The following CLASP1 variants were observed in gnomAD, a reference collection of about 807,000 sequenced individuals.
CLASP1 encodes the protein CLIP-associating protein 1.
A neutral mutation model predicts 192.3 loss-of-function variants in CLASP1; 38 were observed. The ratio of observed to expected loss-of-function variants is 0.20; its 90% CI spans 0.15 to 0.26. CLASP1 has a LOEUF of 0.26. Ranked by LOEUF, CLASP1 falls within the 10% of genes least tolerant of loss-of-function variation. The pLI, the probability that CLASP1 is intolerant of heterozygous loss-of-function variation, is 1.00. For missense variants in CLASP1, 1,433 were observed against 1,932.5 expected, an observed-to-expected ratio of 0.74 and a Z score of 4.85; for synonymous variants, 691 against 712.8, an observed-to-expected ratio of 0.97 and a Z score of 0.49.
intron 19 of CLASP1, among the ~76,000 whole-genome samples, chr2:121,432,709 C>T (rs1221294918): frequency 6.6e-6 from 1 of 151,828 alleles, no homozygotes; most frequent in East Asian, 1.9e-4. Context: ...TTTAAAGTTG[C>T]TTTATTTTTA....
intron 37 of CLASP1, among the ~76,000 whole-genome samples, chr2:121,354,250 G>A (rs1312201808): frequency 1.3e-5 from 2 of 152,192 alleles, no homozygotes; most frequent in Non-Finnish European, 2.9e-5. Flanking sequence ...CAGGCCCAGA[G>A]AGTCCCATTC....
intron 28 of CLASP1, among the ~76,000 whole-genome samples, chr2:121,400,488 G>C (rs1258928972): frequency 6.6e-6 from 1 of 152,218 alleles, no homozygotes; most frequent in African/African-American, 2.4e-5. Context: ...GGGAGCCAGA[G>C]AGGGAAGAGA....
intron 1 of CLASP1, among the ~76,000 whole-genome samples, chr2:121,635,950 C>T (rs2070751692): frequency 6.6e-6 from 1 of 152,160 alleles, no homozygotes; most frequent in Admixed American, 6.5e-5. Context: ...GCCTGTTATC[C>T]CAACCCTTTG....
At chr2:121,389,484 G>GAA (rs10640938) in intron 30 of CLASP1, among the ~76,000 whole-genome samples, 27,871 of 139,592 alleles carry the variant, frequency 0.2, 4,723 homozygotes, top group African/African-American at 0.46. Flanking sequence ...TTAGGTGTTA[G>GAA]AAAAAAAAAA....
chr2:121,495,781 GA>G lies in CLASP1; in HGVS notation c.712+7385del, dbSNP rs763495960. ...GTTATTCTCAAATATTCTTTTTATT[GA>G]AAAAATGAATATACCCCTAAAATTG... On this transcript the variant is annotated intron_variant, in intron 8 of 39. Transcript: ENST00000263710. Among the ~76,000 whole-genome samples, 24 of 152,060 alleles carry G rather than the reference GA, an allele frequency of 1.6e-4. 1 individual carries two copies. The highest frequency in any genetic ancestry group is 2.4e-4 in the Non-Finnish European group (16 of 68,000).
At chr2:121,588,247 G>A (rs1476911376) in intron 2 of CLASP1, among the ~76,000 whole-genome samples, 1 of 151,240 alleles carries the variant, frequency 6.6e-6, no homozygotes, top group East Asian at 1.9e-4. Flanking sequence ...AATACCCAGT[G>A]ATGGTTTTAA....
intron 7 of CLASP1, among the ~76,000 whole-genome samples, 153 bp downstream of exon 7, chr2:121,515,512 G>A (rs557488838): frequency 1.3e-5 from 2 of 149,702 alleles, no homozygotes; most frequent in Non-Finnish European, 3.0e-5. Flanking sequence ...CCTGATGTAT[G>A]ATCTGGATAA....
At position 121,429,979 on chromosome 2, in the gene CLASP1, T is replaced by G. The variant is rs1049825353; in HGVS notation, c.2017+94A>C. On this transcript the variant is annotated intron_variant, in intron 20 of 39. Coordinates refer to ENST00000263710, the Ensembl canonical transcript of CLASP1. ...GAGCCACAAAAAATGTGTTTTTCCC[T>G]CTGAAGTCAATATAGAGATTGTAAA... is the stretch of plus-strand genomic sequence containing the variant. 4.2e-6 allele frequency: 4 copies of G among 955,750 alleles called. No individual in the cohort carries two copies. The African/African-American group carries it at 6.6e-5, about 16-fold the overall frequency. The allele number at this position is 955,750 out of a possible 1,614,324, so 59.2% of individuals were successfully genotyped here.
chr2:121,468,644 G>A (rs2090101987), intron 9 of CLASP1, among the ~76,000 whole-genome samples: 1 of 152,212 alleles, frequency 6.6e-6, no homozygotes, highest in African/African-American at 2.4e-5. Flanking sequence ...AGACTTTGCT[G>A]AAGTTGCTTA....
chr2:121,522,818 T>C (rs1481501116), intron 6 of CLASP1, among the ~76,000 whole-genome samples: 1 of 152,220 alleles, frequency 6.6e-6, no homozygotes, highest in African/African-American at 2.4e-5. Flanking sequence ...ACTAAGGCTA[T>C]CCTGCAATTA....
chr2:121,624,473 T>C (rs35380545), intron 1 of CLASP1, among the ~76,000 whole-genome samples: 3 of 151,790 alleles, frequency 2.0e-5, no homozygotes, highest in Non-Finnish European at 4.4e-5. Flanking sequence ...ACAGTGCACA[T>C]TTGCGTGATC....
At chr2:121,594,606 T>C (rs1291913790) in intron 2 of CLASP1, among the ~76,000 whole-genome samples, 1 of 152,058 alleles carries the variant, frequency 6.6e-6, no homozygotes, top group Non-Finnish European at 1.5e-5. Context: ...TTAGCCAGAA[T>C]GGTCTCCATC....
At chr2:121,384,136 A>G (rs139449502) in intron 32 of CLASP1, among the ~76,000 whole-genome samples, 6,234 of 137,706 alleles carry the variant, frequency 0.045, 177 homozygotes, top group East Asian at 0.14. Flanking sequence ...ATATATATGT[A>G]TATATATATA....
At chr2:121,445,370 T>A in intron 19 of CLASP1, 1 of 861,146 alleles carries the variant, frequency 1.2e-6, no homozygotes, top group Non-Finnish European at 1.7e-6. Flanking sequence ...CAGAGCCAAG[T>A]AAGAAGCTCA....
chr2:121,432,435 T>A (rs964379718), intron 19 of CLASP1, among the ~76,000 whole-genome samples: 1 of 152,200 alleles, frequency 6.6e-6, no homozygotes, highest in Non-Finnish European at 1.5e-5. Context: ...TAGCCTTTTT[T>A]AAAAGACATC....
intron 9 of CLASP1, among the ~76,000 whole-genome samples, chr2:121,468,906 G>A (rs753295119): frequency 6.6e-6 from 1 of 152,202 alleles, no homozygotes; most frequent in East Asian, 1.9e-4. Context: ...GAGGGGTTGC[G>A]GTCATCTGAA....
At chr2:121,559,372 T>C (rs540397605) in intron 2 of CLASP1, among the ~76,000 whole-genome samples, 8 of 152,320 alleles carry the variant, frequency 5.3e-5, no homozygotes, top group African/African-American at 1.4e-4. Flanking sequence ...TTTAAAAATC[T>C]ACATCCACAC....
chr2:121,599,688 G>T (rs2063574477), intron 2 of CLASP1, among the ~76,000 whole-genome samples: 1 of 150,800 alleles, frequency 6.6e-6, no homozygotes, highest in Non-Finnish European at 1.5e-5. Context: ...GGCCGAGGCA[G>T]TCGGATCACT....
intron 8 of CLASP1, among the ~76,000 whole-genome samples, chr2:121,502,246 G>C (rs1177582054): frequency 6.6e-6 from 1 of 151,984 alleles, no homozygotes; most frequent in African/African-American, 2.4e-5. Flanking sequence ...ACTCTTCAAG[G>C]CGTTGAATTT....
Sources: gnomAD v4.1 joint callset for allele counts (sites outside exome capture counted in the v4.1 genomes callset) on GRCh38, gnomAD v4.1.1 for gene constraint, MANE v1.5 for transcripts, NCBI Gene and HGNC (gene_info 2026-07-23, HGNC 2026-07-21) for gene names.